RUNX1: variants seen among roughly 807,000 people sequenced by gnomAD.
RUNX1 encodes runt-related transcription factor 1.
A neutral mutation model predicts 42.8 loss-of-function variants in RUNX1; 19 were observed. That is an observed-to-expected ratio of 0.44 (90% confidence interval 0.31 to 0.65). The LOEUF (loss-of-function observed/expected upper bound fraction) is 0.65, where lower values mean the gene tolerates loss of function less well. Among genes scored for constraint, RUNX1 ranks in the 30% least tolerant of loss-of-function variants. The pLI, the probability that RUNX1 is intolerant of heterozygous loss-of-function variation, is 0.07. For synonymous variants in RUNX1, 271 were observed against 289.4 expected (o/e 0.94, Z 0.64); for missense variants, 528 against 672.0 (o/e 0.79, Z 2.37).
rs113776929 is a variant in RUNX1, at chr21:34,973,311, A to G, written c.58+75531T>C. Among the ~76,000 whole-genome samples the G allele has an allele frequency of 3.8e-3, 579 of 152,340 alleles. 1 individual carries two copies. Among genetic ancestry groups the G allele is most frequent in the Middle Eastern group, 6.8e-3 (2 of 294 alleles). ...TCCCTTGCTACATAGTTATCATGCC[A>G]AGGACAAATTTTTGTCTGTGAATGG... On this transcript the variant is annotated intron_variant, in intron 2 of 8. Coordinates refer to ENST00000675419, the MANE Select transcript of RUNX1 (RefSeq NM_001754.5).
intron 2 of RUNX1, among the ~76,000 whole-genome samples, chr21:35,043,514 A>G (rs1179245656): frequency 6.6e-6 from 1 of 152,238 alleles, no homozygotes; most frequent in Non-Finnish European, 1.5e-5. Flanking sequence ...ACTATTTTCT[A>G]AACAGAAAAT....
chr21:34,945,893 T>C (rs1232342952), intron 2 of RUNX1, among the ~76,000 whole-genome samples: 2 of 152,208 alleles, frequency 1.3e-5, no homozygotes, highest in Admixed American at 6.5e-5. Flanking sequence ...ATTTGCTACC[T>C]GGAAGCCTCA....
chr21:34,958,383 G>T (rs984418748), intron 2 of RUNX1, among the ~76,000 whole-genome samples: 3 of 152,078 alleles, frequency 2.0e-5, no homozygotes, highest in African/African-American at 7.2e-5. Context: ...TCAAAAAGTG[G>T]GCAAAGGATA....
chr21:34,949,460 C>T (rs980661378), intron 2 of RUNX1, among the ~76,000 whole-genome samples: 2 of 152,200 alleles, frequency 1.3e-5, no homozygotes, highest in Non-Finnish European at 2.9e-5. Context: ...GAGATGCAAC[C>T]TTCAGCAGAG....
In RUNX1 at chr21:34,836,609, G is replaced by A. The variant is rs555710839; in HGVS notation, c.614-2008C>T. 7.1e-4 allele frequency among the ~76,000 whole-genome samples: 108 copies of A among 152,320 alleles called. 1 individual carries two copies. The highest frequency in any genetic ancestry group is 3.4e-3 in the Middle Eastern group (1 of 294). Reference sequence around the variant, plus strand: ...ACCACAGTCTAATGCCTGGCATTACGAGTTGGGGTAAAGAAGAAGGCAGGA... The same window carrying A: ...ACCACAGTCTAATGCCTGGCATTACAAGTTGGGGTAAAGAAGAAGGCAGGA... On this transcript the variant is annotated intron_variant, in intron 6 of 8. Coordinates refer to ENST00000675419, the MANE Select transcript of RUNX1 (RefSeq NM_001754.5).
chr21:34,906,926 T>C (rs1233253652), intron 2 of RUNX1, among the ~76,000 whole-genome samples: 1 of 152,240 alleles, frequency 6.6e-6, no homozygotes, highest in Non-Finnish European at 1.5e-5. Context: ...GCCTTATGGT[T>C]TAAATATAAA....
chr21:34,963,696 T>C (rs1400168179), intron 2 of RUNX1, among the ~76,000 whole-genome samples: 1 of 152,074 alleles, frequency 6.6e-6, no homozygotes, highest in Non-Finnish European at 1.5e-5. Flanking sequence ...ACTGGGCAGG[T>C]CCGGAGGCGA....
intron 5 of RUNX1, among the ~76,000 whole-genome samples, chr21:34,864,818 T>C (rs1385191479): frequency 6.6e-6 from 1 of 151,980 alleles, no homozygotes; most frequent in Non-Finnish European, 1.5e-5. Flanking sequence ...AATAAGAAGG[T>C]GAGAACAAAA....
At chr21:34,935,874 G>A (rs571717663) in intron 2 of RUNX1, among the ~76,000 whole-genome samples, 16 of 152,172 alleles carry the variant, frequency 1.1e-4, no homozygotes, top group Admixed American at 6.6e-4. Context: ...TTATATTAAC[G>A]TGTTGACTAA....
At chr21:35,002,911 C>T (rs1407354519) in intron 2 of RUNX1, among the ~76,000 whole-genome samples, 2 of 152,056 alleles carry the variant, frequency 1.3e-5, no homozygotes, top group Non-Finnish European at 2.9e-5. Flanking sequence ...AATACATCCA[C>T]ATTTATTATT....
In RUNX1 at chr21:34,966,585, T is replaced by C. The variant is rs192190879; in HGVS notation, c.59-73622A>G. Among the ~76,000 whole-genome samples, 444 of 152,240 alleles carry C rather than the reference T, an allele frequency of 2.9e-3. 1 individual carries two copies. The highest frequency in any genetic ancestry group is 5.1e-3 in the Non-Finnish European group (346 of 68,026). On this transcript the variant is annotated intron_variant, in intron 2 of 8. Coordinates refer to ENST00000675419, the MANE Select transcript of RUNX1 (RefSeq NM_001754.5). ...TTCAATGTACAACACCATAAGTATC[T>C]CACTCTGTCATGGACATTCAGAGAA...
At chr21:34,922,258 AG>A (rs921258859) in intron 2 of RUNX1, among the ~76,000 whole-genome samples, 6 of 152,162 alleles carry the variant, frequency 3.9e-5, no homozygotes, top group African/African-American at 1.4e-4. Context: ...TTGCCCTTCC[AG>A]GATTGTCAGG....
At chr21:34,969,690 A>T (rs973355513) in intron 2 of RUNX1, among the ~76,000 whole-genome samples, 6 of 152,166 alleles carry the variant, frequency 3.9e-5, no homozygotes, top group Non-Finnish European at 1.5e-5. Flanking sequence ...AATGCATAAA[A>T]AAAAAACAGC....
rs1555906453 is a variant in RUNX1 at position 34,930,289 on chromosome 21, T to TATATATATATAAATAA, written c.59-37327_59-37326insTTATTTATATATATAT. 1.8e-3 allele frequency among the ~76,000 whole-genome samples: 249 copies of TATATATATATAAATAA among 137,312 alleles called. 2 individuals are homozygous for TATATATATATAAATAA. Among genetic ancestry groups the TATATATATATAAATAA allele is most frequent in the African/African-American group, 7.4e-3 (238 of 31,972 alleles). 90.1% of individuals were successfully genotyped at this position (137,312 alleles called of 152,430 possible). A position where few individuals can be genotyped will look rare whatever the true frequency, so the allele number is the denominator to read the frequency against. Reference sequence around the variant, plus strand: ...GTGTATGTATATATATATATATATATATAAATAAATAAATAAAATTTTACA... The same window carrying TATATATATATAAATAA: ...GTGTATGTATATATATATATATATATATATATATATAAATAAATAAATAAATAAATAAAATTTTACA... On this transcript the variant is annotated intron_variant, in intron 2 of 8. Coordinates refer to ENST00000675419, the MANE Select transcript of RUNX1 (RefSeq NM_001754.5).
intron 5 of RUNX1, among the ~76,000 whole-genome samples, chr21:34,874,325 A>G (rs1000919734): frequency 1.3e-5 from 2 of 151,936 alleles, no homozygotes; most frequent in African/African-American, 4.8e-5. Context: ...AAGACAGTAC[A>G]CCGGCCAGGT....
intron 7 of RUNX1, among the ~76,000 whole-genome samples, chr21:34,819,672 T>A (rs1364280358): frequency 1.3e-5 from 2 of 152,234 alleles, no homozygotes; most frequent in Non-Finnish European, 2.9e-5. Flanking sequence ...TCTCTCCCTC[T>A]CATAGCCGTG....
chr21:35,019,334 T>C (rs930666947), intron 2 of RUNX1, among the ~76,000 whole-genome samples: 2 of 152,232 alleles, frequency 1.3e-5, no homozygotes, highest in South Asian at 2.1e-4. Flanking sequence ...GTCGTCTGAA[T>C]GGCTATGGTA....
rs963993662 is a variant in RUNX1, at chr21:34,790,998, A to C, written c.*1137T>G. 4.3e-6 allele frequency: 1 copy of C among 233,576 alleles called. No homozygotes were observed. The highest frequency in any genetic ancestry group is 2.2e-5 in the African/African-American group (1 of 45,334). The allele number at this position is 233,576 out of a possible 1,614,324, so 14.5% of individuals were successfully genotyped here. On this transcript the variant is annotated 3_prime_UTR_variant, in exon 9 of 9. Coordinates refer to ENST00000675419, the MANE Select transcript of RUNX1 (RefSeq NM_001754.5). ...ATTGGCACCTGCCTCAACCCTCTGG[A>C]ACTAGATTGACCTTCTCTGTTTTAA...
chr21:35,035,036 C>G (rs1220624293), intron 2 of RUNX1, among the ~76,000 whole-genome samples: 1 of 152,150 alleles, frequency 6.6e-6, no homozygotes, highest in East Asian at 1.9e-4. Context: ...ACTGGGATAA[C>G]CCACTTGGGG....
Sources: allele counts gnomAD v4.1 joint callset (sites outside exome capture counted in the v4.1 genomes callset), GRCh38; gene constraint gnomAD v4.1.1; transcripts MANE v1.5; gene names NCBI Gene and HGNC (gene_info 2026-07-23, HGNC 2026-07-21).